ANKRD11: variants seen among roughly 807,000 people sequenced by gnomAD.
The protein encoded by ANKRD11 is ankyrin repeat domain-containing protein 11.
A neutral mutation model predicts 195.7 loss-of-function variants in ANKRD11; 17 were observed. The observed-to-expected ratio is 0.09, with a 90% confidence interval of 0.06 to 0.13. The LOEUF (loss-of-function observed/expected upper bound fraction) is 0.13, where lower values mean the gene tolerates loss of function less well. ANKRD11 is among the 10% of genes least tolerant of loss of function. The probability of loss-of-function intolerance (pLI) is 1.00; values close to 1 mark genes in which losing one functional copy is unlikely to be tolerated. For synonymous variants in ANKRD11, 1,953 were observed against 1,528.1 expected (o/e 1.28, Z -6.49); for missense variants, 3,735 against 3,566.1 (o/e 1.05, Z -1.21).
chr16:89,280,513 G>C lies in ANKRD11; in HGVS notation c.6029C>G (p.Ala2010Gly). The C allele has an allele frequency of 6.2e-7, 1 of 1,609,364 alleles. No individual in the cohort carries two copies. The highest frequency in any genetic ancestry group is 8.5e-7 in the Non-Finnish European group (1 of 1,178,278). The stretch of plus-strand genomic sequence containing the variant: ...AGGGGCGGGGTACGGCGCCTCCGAG[G>C]CGCTGAAGGGCCCTGGGGCGGCAGA... ...LHSAAPGPFS[A>G]SEAPYPAPPA... is the part of the protein sequence containing the mutation. The change falls in exon 9 of 13, where the codon GCC becomes GGC. Residue 2010 changes from alanine to glycine, a missense_variant. Coordinates refer to ENST00000301030, the MANE Select transcript of ANKRD11 (RefSeq NM_013275.6).
At chr16:89,439,342 T>C (rs1273210142) in intron 1 of ANKRD11, among the ~76,000 whole-genome samples, 1 of 152,250 alleles carries the variant, frequency 6.6e-6, no homozygotes, top group Non-Finnish European at 1.5e-5. Flanking sequence ...TTAATGATTT[T>C]ACTTTTAAGG....
chr16:89,338,726 C>CAAAAAA (rs34799616), intron 2 of ANKRD11, among the ~76,000 whole-genome samples: 8 of 43,784 alleles, frequency 1.8e-4, no homozygotes, highest in South Asian at 1.4e-3. Context: ...CACTCAGTCT[C>CAAAAAA]AAAAAAAAAA....
chr16:89,332,512 C>T (rs995328167), intron 2 of ANKRD11, among the ~76,000 whole-genome samples: 28 of 152,218 alleles, frequency 1.8e-4, no homozygotes, highest in Admixed American at 1.4e-3. Context: ...AAAACAGCCT[C>T]GTCTGCTCAC....
Position 89,283,142 on chromosome 16 carries a change from C to T in ANKRD11, c.3400G>A (p.Gly1134Arg), listed in dbSNP as rs373554894. ...EDDRDSCMGS[G>R]FKMGEASDLP... ...TCGCTGGCCTCTCCCATCTTGAACC[C>T]GCTCCCCATGCAGCTGTCTCTGTCG... is the stretch of plus-strand genomic sequence containing the variant. The change falls in exon 9 of 13, where the codon GGG (glycine) becomes AGG (arginine). Residue 1134 changes from glycine (G) to arginine (R), a missense_variant. Physicochemically the swap from Gly to Arg is moderately radical, Grantham distance 125. Transcript: ENST00000301030. This position sits in a 1 kb window ranked among gnomAD's most constrained non-coding sequence, Gnocchi z 4.3. 40 of 1,613,858 alleles carry T rather than the reference C, an allele frequency of 2.5e-5. No individual in the cohort carries two copies. The Admixed American group carries it at 3.3e-4, about 13-fold the overall frequency.
chr16:89,476,782 CCA>C (rs2057273811), intron 1 of ANKRD11, among the ~76,000 whole-genome samples: 1 of 152,246 alleles, frequency 6.6e-6, no homozygotes, highest in African/African-American at 2.4e-5. Flanking sequence ...CCTCCCCTCA[CCA>C]CACTCTGAAT....
At chr16:89,487,136 A>C (rs188410480) in intron 1 of ANKRD11, among the ~76,000 whole-genome samples, 48 of 152,346 alleles carry the variant, frequency 3.2e-4, no homozygotes, top group Middle Eastern at 3.4e-3. Context: ...CAAACGGGCC[A>C]CACTGAATTC....
At chr16:89,432,238 C>CAT (rs1354089468) in intron 1 of ANKRD11, among the ~76,000 whole-genome samples, 19 of 5,566 alleles carry the variant, frequency 3.4e-3, no homozygotes, top group Admixed American at 0.023. Flanking sequence ...TGATGCAGTA[C>CAT]ACACACACAC....
At chr16:89,405,129 G>C (rs942069492) in intron 2 of ANKRD11, among the ~76,000 whole-genome samples, 2 of 152,078 alleles carry the variant, frequency 1.3e-5, no homozygotes, top group Admixed American at 1.3e-4. Flanking sequence ...GTGGAGGCGA[G>C]GTTGCGGTGA....
chr16:89,450,468 G>A (rs1006533840), intron 1 of ANKRD11, among the ~76,000 whole-genome samples: 2 of 152,152 alleles, frequency 1.3e-5, no homozygotes, highest in Non-Finnish European at 2.9e-5. Context: ...AAGGAGTTAG[G>A]ACTTTCCTGT....
chr16:89,449,672 A>C (rs2043976135), intron 1 of ANKRD11, among the ~76,000 whole-genome samples: 1 of 152,136 alleles, frequency 6.6e-6, no homozygotes, highest in East Asian at 1.9e-4. Context: ...ACATGCCTGT[A>C]ATCCCAGCTA....
At chr16:89,376,115 G>A (rs914580462) in intron 2 of ANKRD11, among the ~76,000 whole-genome samples, 2 of 152,174 alleles carry the variant, frequency 1.3e-5, no homozygotes, top group East Asian at 3.8e-4. Context: ...CACTGAAAAC[G>A]CAGCTTTAAA....
intron 2 of ANKRD11, among the ~76,000 whole-genome samples, chr16:89,375,546 G>A (rs1304303900): frequency 6.6e-6 from 1 of 151,710 alleles, no homozygotes; most frequent in Non-Finnish European, 1.5e-5. Context: ...TGCAACCTCT[G>A]CCTCCCAGGC....
intron 1 of ANKRD11, among the ~76,000 whole-genome samples, chr16:89,467,433 C>T (rs912232258): frequency 6.6e-6 from 1 of 152,216 alleles, no homozygotes; most frequent in Non-Finnish European, 1.5e-5. Context: ...CAGAGTAAGA[C>T]CTTGTCTCTA....
In ANKRD11 at chr16:89,319,360, C is replaced by T. The variant is rs368523435; in HGVS notation, c.-59-2282G>A. The stretch of plus-strand genomic sequence containing the variant: ...CCAATGGACCAGGGATCTGGGAGTC[C>T]ACTCAGGAGGTGGAGGAAGTGGGTC... On this transcript the variant is annotated intron_variant, in intron 2 of 12. Transcript: ENST00000301030. Among the ~76,000 whole-genome samples, 5 of 152,352 alleles carry T rather than the reference C, an allele frequency of 3.3e-5. No individual in the cohort carries two copies. In the South Asian group the frequency reaches 1.0e-3, roughly 32 times the overall value.
chr16:89,462,964 C>T (rs1325228529), intron 1 of ANKRD11, among the ~76,000 whole-genome samples: 1 of 150,836 alleles, frequency 6.6e-6, no homozygotes, highest in Non-Finnish European at 1.5e-5. Flanking sequence ...GGGTCAGCCC[C>T]CCCGCCAGGC....
chr16:89,367,634 T>C (rs1174059742), intron 2 of ANKRD11, among the ~76,000 whole-genome samples: 2 of 152,136 alleles, frequency 1.3e-5, no homozygotes, highest in African/African-American at 4.8e-5. Flanking sequence ...AAATCCTCCA[T>C]GGCACAAAAC....
At chr16:89,349,757 A>C (rs760844212) in intron 2 of ANKRD11, among the ~76,000 whole-genome samples, 24 of 152,154 alleles carry the variant, frequency 1.6e-4, no homozygotes, top group Non-Finnish European at 3.1e-4. Context: ...AAAAGCACAA[A>C]GTACCCAAGA....
At chr16:89,405,291 G>A (rs1306802360) in intron 2 of ANKRD11, among the ~76,000 whole-genome samples, 1 of 152,160 alleles carries the variant, frequency 6.6e-6, no homozygotes, top group Non-Finnish European at 1.5e-5. Context: ...ACTGTATTCT[G>A]TAGGGCACAT....
intron 1 of ANKRD11, among the ~76,000 whole-genome samples, chr16:89,464,571 G>C (rs1286209294): frequency 7.0e-6 from 1 of 142,212 alleles, no homozygotes; most frequent in African/African-American, 2.6e-5. Context: ...TCGCAACACT[G>C]CACTCCAGCC....
Sources: allele counts gnomAD v4.1 joint callset (sites outside exome capture counted in the v4.1 genomes callset), GRCh38; gene constraint gnomAD v4.1.1; non-coding constraint Gnocchi (gnomAD v3.1); transcripts MANE v1.5; gene names NCBI Gene and HGNC (gene_info 2026-07-23, HGNC 2026-07-21).